AK5: variants seen among roughly 807,000 people sequenced by gnomAD.
The protein encoded by AK5 is adenylate kinase 5.
Under a neutral mutation model 69.5 loss-of-function variants are expected in AK5, and 27 were observed. That is an observed-to-expected ratio of 0.39 (90% CI 0.29 to 0.54). The LOEUF (loss-of-function observed/expected upper bound fraction) is 0.54, where lower values mean the gene tolerates loss of function less well. Among genes scored for constraint, AK5 ranks in the 20% least tolerant of loss-of-function variants. The probability of loss-of-function intolerance (pLI) is 0.71; values close to 1 mark genes in which losing one functional copy is unlikely to be tolerated. For missense variants in AK5, 531 were observed against 700.4 expected, an observed-to-expected ratio of 0.76 and a Z score of 2.73; for synonymous variants, 260 against 244.4, an observed-to-expected ratio of 1.06 and a Z score of -0.60.
At chr1:77,336,067 A>G (rs1055274397) in intron 5 of AK5, among the ~76,000 whole-genome samples, 9 of 145,708 alleles carry the variant, frequency 6.2e-5, no homozygotes, top group Admixed American at 2.9e-4. Context: ...TGAGGCTTGC[A>G]CATACTATCT....
intron 3 of AK5, among the ~76,000 whole-genome samples, 164 bp from the exon 4 acceptor site, chr1:77,297,395 A>G (rs994330884): frequency 1.1e-4 from 16 of 152,300 alleles, no homozygotes; most frequent in Middle Eastern, 3.4e-3. Flanking sequence ...CAAAGTCTCT[A>G]CTTGCTTTAC....
chr1:77,478,752 C>A lies in AK5; in HGVS notation c.1060-4565C>A, dbSNP rs185579424. Among the ~76,000 whole-genome samples, 92 of 152,224 alleles carry A rather than the reference C, an allele frequency of 6.0e-4. 1 individual carries two copies. Among genetic ancestry groups the A allele is most frequent in the Middle Eastern group, 3.4e-3 (1 of 294 alleles). On this transcript the variant is annotated intron_variant, in intron 8 of 13. Coordinates refer to ENST00000354567, the MANE Select transcript of AK5 (RefSeq NM_174858.3). The stretch of plus-strand genomic sequence containing the variant: ...AACCCATCTGTGAGACTAAGTTGTT[C>A]TATTTTGATCTCCCTCATTTAAAAT...
At chr1:77,470,874 TA>T (rs1404871326) in intron 8 of AK5, among the ~76,000 whole-genome samples, 1 of 27,536 alleles carries the variant, frequency 3.6e-5, no homozygotes, top group African/African-American at 1.7e-4. Context: ...TATATATATA[TA>T]TTTTTTTTTT....
rs765513069 is a variant in AK5 at position 77,411,005 on chromosome 1, G to A, written c.916G>A (p.Glu306Lys). 6.2e-7 allele frequency: 1 copy of A among 1,613,956 alleles called. No homozygotes were observed. Among genetic ancestry groups the A allele is most frequent in the African/African-American group, 1.3e-5 (1 of 75,036 alleles). Reference protein sequence around the residue: ...MTFDADRDEDEVFYDISMAVD... With the variant: ...MTFDADRDEDKVFYDISMAVD... ...GTTTGATGCCGACCGCGATGAGGATGAGGTGTTCTATGACATCAGCATGGC... is the reference window on the plus strand; with the variant it reads ...GTTTGATGCCGACCGCGATGAGGATAAGGTGTTCTATGACATCAGCATGGC... The change falls in exon 7 of 14, where the codon GAG becomes AAG. Residue 306 changes from glutamate (E) to lysine (K), a missense_variant. By Grantham distance (56) the Glu-to-Lys change is moderately conservative. Transcript: ENST00000354567.
chr1:77,439,554 C>T (rs1037159412), intron 8 of AK5, among the ~76,000 whole-genome samples: 1 of 152,062 alleles, frequency 6.6e-6, no homozygotes, highest in African/African-American at 2.4e-5. Context: ...CCTCCTCTCC[C>T]TCATCACTCT....
At chr1:77,337,963 T>TTC (rs756072639) in intron 5 of AK5, among the ~76,000 whole-genome samples, 45,882 of 141,596 alleles carry the variant, frequency 0.32, 7,925 homozygotes, top group Admixed American at 0.36. Flanking sequence ...TGTTTTCTTT[T>TTC]TATTTTTTTT....
chr1:77,299,309 TAC>T (rs1176079527), intron 5 of AK5, among the ~76,000 whole-genome samples: 1 of 149,990 alleles, frequency 6.7e-6, no homozygotes, highest in African/African-American at 2.4e-5. Flanking sequence ...CCCATTTTTC[TAC>T]AGACTTTTTA....
chr1:77,407,502 A>G (rs1294176838), intron 6 of AK5, among the ~76,000 whole-genome samples: 1 of 152,208 alleles, frequency 6.6e-6, no homozygotes, highest in African/African-American at 2.4e-5. Context: ...GGAGAGGAGA[A>G]GGAAAAGGGA....
At position 77,293,911 on chromosome 1, in the gene AK5, T is replaced by A. The variant is rs553176458; in HGVS notation, c.366T>A (p.Tyr122Ter). The A allele has an allele frequency of 6.2e-7, 1 of 1,613,680 alleles. No homozygotes were observed. The highest frequency in any genetic ancestry group is 1.1e-5 in the South Asian group (1 of 90,988). Reference protein sequence around the residue: ...LSETAELIEEYEVFDPTRPRP... With the variant: ...LSETAELIEE ...AGACTGCAGAGTTGATTGAGGAGTA[T>A]GAGGTTTTTGATCCTACCAGACCTC... The change falls in exon 3 of 14, where the codon TAT (tyrosine) becomes TAA (stop). Residue 122 changes from tyrosine (Y) to a stop codon, truncating the protein, a stop_gained. Coordinates refer to ENST00000354567, the MANE Select transcript of AK5 (RefSeq NM_174858.3). LOFTEE classifies it high-confidence loss of function.
chr1:77,440,996 G>A (rs1652292034), intron 8 of AK5, among the ~76,000 whole-genome samples: 1 of 152,150 alleles, frequency 6.6e-6, no homozygotes, highest in African/African-American at 2.4e-5. Context: ...TAATTCACCT[G>A]CCTTGGCCTC....
At chr1:77,436,482 T>C (rs940825813) in intron 8 of AK5, among the ~76,000 whole-genome samples, 2 of 151,844 alleles carry the variant, frequency 1.3e-5, no homozygotes, top group East Asian at 1.9e-4. Context: ...CTCATAATTT[T>C]AATGTGTATT....
chr1:77,288,227 A>C (rs1359264481), intron 2 of AK5, among the ~76,000 whole-genome samples: 1 of 152,186 alleles, frequency 6.6e-6, no homozygotes, highest in Non-Finnish European at 1.5e-5. Flanking sequence ...ATATGTGCTT[A>C]TCAGAATTAG....
chr1:77,362,528 C>A (rs1332601094), intron 6 of AK5, among the ~76,000 whole-genome samples: 3 of 151,978 alleles, frequency 2.0e-5, no homozygotes, highest in African/African-American at 7.3e-5. Context: ...TTATTGTATA[C>A]CAAAAAACCC....
At chr1:77,431,851 A>G (rs545969801) in intron 8 of AK5, among the ~76,000 whole-genome samples, 168 of 152,318 alleles carry the variant, frequency 1.1e-3, no homozygotes, top group Non-Finnish European at 9.3e-4. Context: ...GGAGGATTAC[A>G]TAATAGTTTT....
intron 6 of AK5, among the ~76,000 whole-genome samples, chr1:77,407,566 T>A (rs1649743826): frequency 6.6e-6 from 1 of 152,176 alleles, no homozygotes; most frequent in Non-Finnish European, 1.5e-5. Context: ...TAACTATTTT[T>A]ATTTTTATGA....
intron 6 of AK5, among the ~76,000 whole-genome samples, chr1:77,403,166 G>T (rs1649357245): frequency 6.6e-6 from 1 of 151,988 alleles, no homozygotes; most frequent in South Asian, 2.1e-4. Flanking sequence ...TTGTAAATTT[G>T]TTTGAGTTCA....
At chr1:77,289,253 C>T (rs1050829852) in intron 2 of AK5, among the ~76,000 whole-genome samples, 3 of 152,166 alleles carry the variant, frequency 2.0e-5, no homozygotes, top group Non-Finnish European at 4.4e-5. Flanking sequence ...GCAGCAGGTA[C>T]TCATGGTTGT....
At chr1:77,424,370 C>T (rs1570546159) in intron 8 of AK5, among the ~76,000 whole-genome samples, 1 of 152,266 alleles carries the variant, frequency 6.6e-6, no homozygotes, top group East Asian at 1.9e-4. Flanking sequence ...AAGCAATCCT[C>T]TTGCCTCAGC....
chr1:77,283,756 GT>G, intron 1 of AK5: 1 of 448,498 alleles, frequency 2.2e-6, no homozygotes, highest in Non-Finnish European at 2.9e-6. Context: ...TTTTTTGTTT[GT>G]TTTTATTTTC....
Sources: allele counts gnomAD v4.1 joint callset (sites outside exome capture counted in the v4.1 genomes callset), GRCh38; gene constraint gnomAD v4.1.1; transcripts MANE v1.5; gene names NCBI Gene and HGNC (gene_info 2026-07-23, HGNC 2026-07-21).